Variants in COPG2 observed in about 807,000 individuals in gnomAD.
COPG2 encodes coatomer subunit gamma-2.
In COPG2, 37 loss-of-function variants were observed where a neutral mutation model predicts 46.3. The observed-to-expected ratio is 0.80, with a 90% confidence interval of 0.61 to 1.05. COPG2 has a LOEUF of 1.05. Ranked by LOEUF, COPG2 falls within the 50% of genes least tolerant of loss-of-function variation. The pLI is 0.00. For missense variants in COPG2, 427 were observed against 387.8 expected, an observed-to-expected ratio of 1.10 and a Z score of -0.85; for synonymous variants, 159 against 129.7, an observed-to-expected ratio of 1.23 and a Z score of -1.53.
intron 9 of COPG2, among the ~76,000 whole-genome samples, chr7:130,600,334 C>T (rs1378247743): frequency 2.0e-5 from 3 of 152,138 alleles, no homozygotes; most frequent in Admixed American, 2.0e-4. Flanking sequence ...AATCTTGGCT[C>T]ACCGCAACCT....
intron 5 of COPG2, among the ~76,000 whole-genome samples, chr7:130,649,291 T>C (rs1472379242): frequency 6.6e-6 from 1 of 152,222 alleles, no homozygotes. Context: ...CTCCTGACTT[T>C]AGCACCCTTA....
intron 9 of COPG2, among the ~76,000 whole-genome samples, chr7:130,591,334 G>A (rs1449156777): frequency 2.2e-5 from 1 of 45,692 alleles, no homozygotes; most frequent in Non-Finnish European, 4.6e-5. Context: ...CTGCCCGGCC[G>A]CCCCTACTGC....
At chr7:130,667,255 C>G (rs1291183963) in intron 2 of COPG2, among the ~76,000 whole-genome samples, 1 of 152,228 alleles carries the variant, frequency 6.6e-6, no homozygotes, top group Non-Finnish European at 1.5e-5. Flanking sequence ...CCTGTTCTTA[C>G]ATTTAAAATT....
rs1287486246 is a variant in COPG2, at chr7:130,563,348, T to TAAC, written c.872-13_872-12insGTT. 2.6e-6 allele frequency: 1 copy of TAAC among 392,092 alleles called. No homozygotes were observed. The highest frequency in any genetic ancestry group is 4.5e-6 in the Non-Finnish European group (1 of 222,364). 24.3% of individuals were successfully genotyped at this position (392,092 alleles called of 1,614,324 possible). A position where few individuals can be genotyped will look rare whatever the true frequency, so the allele number is the denominator to read the frequency against. ...GAAAAGTTGAAGAACTAAAAAAAAA[T>TAAC]AATAATAATAATATGTAACATTAAG... On this transcript the variant is annotated splice_polypyrimidine_tract_variant and intron_variant, in intron 10 of 23. Transcript: ENST00000425248.
At chr7:130,561,553 C>G (rs1184777316) in intron 11 of COPG2, among the ~76,000 whole-genome samples, 2 of 152,114 alleles carry the variant, frequency 1.3e-5, no homozygotes, top group Non-Finnish European at 2.9e-5. Context: ...ACAACAGGAT[C>G]TAGCATAGTA....
rs1355809801 is a variant in COPG2 at position 130,513,304 on chromosome 7, AAAAAATATATATATATATATAT to A, written c.2150-4667_2150-4646del. On this transcript the variant is annotated intron_variant, in intron 20 of 23. Coordinates refer to ENST00000425248, the MANE Select transcript of COPG2 (RefSeq NM_012133.6). The stretch of plus-strand genomic sequence containing the variant: ...ATAATTCTGTCTAAAAAAAAAAAAA[AAAAAATATATATATATATATAT>A]ATATATATATATATATGTGTGTGTG... Among the ~76,000 whole-genome samples, 192 of 48,484 alleles carry A rather than the reference AAAAAATATATATATATATATAT, an allele frequency of 4.0e-3. 4 individuals are homozygous for A. Among genetic ancestry groups the A allele is most frequent in the African/African-American group, 0.014 (182 of 12,906 alleles). The allele number at this position is 48,484 out of a possible 152,430, so 31.8% of individuals were successfully genotyped here.
At chr7:130,610,483 T>C (rs1351663261) in intron 9 of COPG2, 1 of 515,732 alleles carries the variant, frequency 1.9e-6, no homozygotes, top group Non-Finnish European at 3.9e-6. Context: ...CCCAGCTTAC[T>C]ATACCTCAAA....
chr7:130,557,505 C>T (rs1793645916), intron 12 of COPG2, among the ~76,000 whole-genome samples: 1 of 151,972 alleles, frequency 6.6e-6, no homozygotes, highest in East Asian at 1.9e-4. Context: ...TACTAAAGTT[C>T]ATTAGAAAAA....
At chr7:130,508,925 A>C (rs1799549142) in intron 20 of COPG2, 1 of 523,264 alleles carries the variant, frequency 1.9e-6, no homozygotes, top group Non-Finnish European at 3.5e-6. Flanking sequence ...TGGTATGAAG[A>C]AAGCAGCAGA....
At chr7:130,554,095 CAT>C (rs1408415503) in intron 14 of COPG2, among the ~76,000 whole-genome samples, 17 of 152,218 alleles carry the variant, frequency 1.1e-4, no homozygotes, top group Admixed American at 2.6e-4. Context: ...GTGAAAAGCT[CAT>C]AGACAGTTTA....
chr7:130,509,991 A>ATGTTT, intron 20 of COPG2: 1 of 481,912 alleles, frequency 2.1e-6, no homozygotes, highest in African/African-American at 2.0e-5. Context: ...AGCTGGAAAC[A>ATGTTT]GTAAGAGGCA....
At chr7:130,649,963 A>G (rs1795704441) in intron 5 of COPG2, among the ~76,000 whole-genome samples, 1 of 152,204 alleles carries the variant, frequency 6.6e-6, no homozygotes. Context: ...TTAGAAGTCC[A>G]ACACTTGTCT....
chr7:130,626,424 A>G (rs200358405), intron 5 of COPG2, among the ~76,000 whole-genome samples: 1 of 88,804 alleles, frequency 1.1e-5, no homozygotes, highest in Non-Finnish European at 2.4e-5. Context: ...TTTTTTTTCT[A>G]TTTTTTAGTA....
At chr7:130,653,170 A>T (rs1795781935) in intron 4 of COPG2, among the ~76,000 whole-genome samples, 1 of 152,310 alleles carries the variant, frequency 6.6e-6, no homozygotes, top group African/African-American at 2.4e-5. Context: ...AAAACTTAAA[A>T]ATTCAATTAT....
chr7:130,581,921 C>T (rs1794153741), intron 9 of COPG2, among the ~76,000 whole-genome samples: 1 of 150,110 alleles, frequency 6.7e-6, no homozygotes, highest in East Asian at 2.0e-4. Context: ...GGCCATACTG[C>T]CCAAGGTAAT....
chr7:130,576,413 G>C (rs782047210), intron 9 of COPG2, among the ~76,000 whole-genome samples: 6 of 152,088 alleles, frequency 3.9e-5, no homozygotes, highest in Non-Finnish European at 7.4e-5. Flanking sequence ...ACTCCAAAAG[G>C]AACCTTCAAA....
chr7:130,561,534 G>A (rs1793720769), intron 11 of COPG2, among the ~76,000 whole-genome samples: 1 of 152,036 alleles, frequency 6.6e-6, no homozygotes, highest in African/African-American at 2.4e-5. Context: ...TTAGATGTTA[G>A]GAGTACTGAC....
chr7:130,668,605 G>A (rs781831249), intron 1 of COPG2, 27 bp downstream of exon 1: 3 of 1,516,494 alleles, frequency 2.0e-6, no homozygotes, highest in East Asian at 2.9e-5. Flanking sequence ...CGCGGCTGAG[G>A]GTGGGCCTCG....
intron 5 of COPG2, among the ~76,000 whole-genome samples, chr7:130,624,806 T>C (rs1261556633): frequency 6.6e-6 from 1 of 152,240 alleles, no homozygotes; most frequent in African/African-American, 2.4e-5. Context: ...CTTAATCTAC[T>C]TGTTGACTGA....
Sources: gnomAD v4.1 joint callset for allele counts (sites outside exome capture counted in the v4.1 genomes callset) on GRCh38, gnomAD v4.1.1 for gene constraint, MANE v1.5 for transcripts, NCBI Gene and HGNC (gene_info 2026-07-23, HGNC 2026-07-21) for gene names.